FLG: variants seen among roughly 807,000 people sequenced by gnomAD.
FLG encodes filaggrin.
In FLG, 6 loss-of-function variants were observed where a neutral mutation model predicts 3.8. That is an observed-to-expected ratio of 1.60 (90% confidence interval 0.87 to 3.15). FLG has a LOEUF of 3.15. Ranked by LOEUF, FLG falls within the 30% of genes most tolerant of loss-of-function variation. The pLI, the probability that FLG is intolerant of heterozygous loss-of-function variation, is 0.00. For synonymous variants in FLG, 2,551 were observed against 1,931.6 expected (o/e 1.32, Z -8.41); for missense variants, 7,595 against 5,050.9 (o/e 1.50, Z -15.27).
chr1:152,314,952 G>T (rs1041445745), intron 2 of FLG: 40 of 586,636 alleles, frequency 6.8e-5, no homozygotes, highest in Middle Eastern at 4.5e-4. Flanking sequence ...ATCAAGATTT[G>T]ATGGGGTAAG....
In FLG at chr1:152,305,111, C is replaced by G; in HGVS notation, c.9775G>C (p.Glu3259Gln). 6.2e-7 allele frequency: 1 copy of G among 1,613,894 alleles called. No homozygotes were observed. Among genetic ancestry groups the G allele is most frequent in the Non-Finnish European group, 8.5e-7 (1 of 1,179,950 alleles). Reference sequence around the variant, plus strand: ...GAGTGCCCGTGACCGGCTCTGTCTTCGTGATGGGACCTGGGGTGTCTGGAG... The same window carrying G: ...GAGTGCCCGTGACCGGCTCTGTCTTGGTGATGGGACCTGGGGTGTCTGGAG... ...HGSRHPRSHH[E>Q]DRAGHGHSAD... Residue 3259 changes from glutamate (E) to glutamine (Q), a missense_variant, in exon 3 of 3, where the codon GAA becomes CAA. Glu to Gln is a conservative substitution (Grantham distance 29). Transcript: ENST00000368799.
In FLG at chr1:152,303,165, G is replaced by T. The variant is rs374091552; in HGVS notation, c.11721C>A (p.Arg3907=). The T allele has an allele frequency of 5.6e-6, 9 of 1,614,126 alleles. No individual in the cohort carries two copies. The South Asian group carries it at 8.8e-5, about 16-fold the overall frequency. Residue 3907 remains arginine (R), a synonymous_variant, in exon 3 of 3, where the codon CGC becomes CGA. Coordinates refer to ENST00000368799, the MANE Select transcript of FLG (RefSeq NM_002016.2). ...DGSRHPGSSH[R]DTASHVQSSP... ...AAGACTGTACATGACTGGCTGTATC[G>T]CGGTGAGAGGATCCGGGGTGTCTGG...
rs1354005115 is a variant in FLG, at chr1:152,313,932, G to A, written c.954C>T (p.Ser318=). 1.9e-6 allele frequency: 3 copies of A among 1,614,014 alleles called. No homozygotes were observed. Among genetic ancestry groups the A allele is most frequent in the South Asian group, 2.2e-5 (2 of 91,074 alleles). Reference sequence around the variant, plus strand: ...CCCACGCAGATCCATGATGGTTTCTGGAAGCCGACCCAGAGTGCCTCTCAG... The same window carrying A: ...CCCACGCAGATCCATGATGGTTTCTAGAAGCCGACCCAGAGTGCCTCTCAG... ...EDSERHSGSA[S]RNHHGSAWEQ... is the part of the protein sequence containing the mutation. The change falls in exon 3 of 3, where the codon TCC becomes TCT. Residue 318 remains serine, a synonymous_variant. Coordinates refer to ENST00000368799, the MANE Select transcript of FLG (RefSeq NM_002016.2).
chr1:152,308,229 G>C lies in FLG; in HGVS notation c.6657C>G (p.Ser2219Arg). ...CCTGGCCCACCAGTGAGTGTCTAGA[G>C]CTGTCGGCCCAAGAGGAAGCTTCAT... ...HHHEASSWAD[S>R]SRHSLVGQGQ... Residue 2219 changes from serine to arginine, a missense_variant, in exon 3 of 3, where the codon AGC becomes AGG. By Grantham distance (110) the Ser-to-Arg change is moderately radical. Coordinates refer to ENST00000368799, the MANE Select transcript of FLG (RefSeq NM_002016.2). 6.2e-7 allele frequency: 1 copy of C among 1,614,020 alleles called. No homozygotes were observed. Among genetic ancestry groups the C allele is most frequent in the Non-Finnish European group, 8.5e-7 (1 of 1,179,936 alleles).
chr1:152,307,463 C>T lies in FLG; in HGVS notation c.7423G>A (p.Gly2475Arg), dbSNP rs1183149624. 5 of 1,613,158 alleles carry T rather than the reference C, an allele frequency of 3.1e-6. No homozygotes were observed. Among genetic ancestry groups the T allele is most frequent in the East Asian group, 4.5e-5 (2 of 44,758 alleles). Reference sequence around the variant, plus strand: ...TCTACCAATTGCTCGTAGTGGGATCCCTGCCTTCCTCCACTGCTTGACCCC... The same window carrying T: ...TCTACCAATTGCTCGTAGTGGGATCTCTGCCTTCCTCCACTGCTTGACCCC... ...HPGSSSGGRQ[G>R]SHYEQLVDRS... Residue 2475 changes from glycine (G) to arginine (R), a missense_variant, in exon 3 of 3, where the codon GGA becomes AGA. Coordinates refer to ENST00000368799, the MANE Select transcript of FLG (RefSeq NM_002016.2).
rs766940306 is a variant in FLG, at chr1:152,311,320, C to A, written c.3566G>T (p.Gly1189Val). 24 of 1,613,834 alleles carry A rather than the reference C, an allele frequency of 1.5e-5. No individual in the cohort carries two copies. The highest frequency in any genetic ancestry group is 2.0e-5 in the Non-Finnish European group (24 of 1,179,968). The change falls in exon 3 of 3, where the codon GGA (glycine) becomes GTA (valine). Residue 1189 changes from glycine to valine, a missense_variant. Physicochemically the swap from Gly to Val is moderately radical, Grantham distance 109 (BLOSUM62 -3). Coordinates refer to ENST00000368799, the MANE Select transcript of FLG (RefSeq NM_002016.2). Reference sequence around the variant, plus strand: ...GTGGCTGTGATGGGACCCTGAGTGTCCAGATCTATCTACCGATTGCTCATG... The same window carrying A: ...GTGGCTGTGATGGGACCCTGAGTGTACAGATCTATCTACCGATTGCTCATG... ...SHHEQSVDRSGHSGSHHSHTT... is the reference protein window; with the variant it reads ...SHHEQSVDRSVHSGSHHSHTT...
chr1:152,310,176 G>T lies in FLG; in HGVS notation c.4710C>A (p.Ser1570Arg). 6.2e-7 allele frequency: 1 copy of T among 1,613,910 alleles called. No homozygotes were observed. The highest frequency in any genetic ancestry group is 8.5e-7 in the Non-Finnish European group (1 of 1,179,982). Residue 1570 changes from serine to arginine, a missense_variant, in exon 3 of 3, where the codon AGC becomes AGA. Coordinates refer to ENST00000368799, the MANE Select transcript of FLG (RefSeq NM_002016.2). ...RHHEPSTRAGSSRHSQVGQGE... is the reference protein window; with the variant it reads ...RHHEPSTRAGRSRHSQVGQGE... ...CCTGGCCCACCTGTGAGTGTCTAGA[G>T]CTGCCGGCCCGAGTGGAAGGTTCAT...
At position 152,309,140 on chromosome 1, in the gene FLG, A is replaced by G. The variant is rs546116540; in HGVS notation, c.5746T>C (p.Ser1916Pro). 117 of 1,613,452 alleles carry G rather than the reference A, an allele frequency of 7.3e-5. No homozygotes were observed. The South Asian group carries it at 1.1e-3, about 15-fold the overall frequency. Residue 1916 changes from serine to proline, a missense_variant, in exon 3 of 3, where the codon TCC (serine) becomes CCC (proline). Ser to Pro is a moderately conservative substitution (Grantham distance 74). Transcript: ENST00000368799. ...CTGTCACTGTCCTGGCTAACACTGG[A>G]TCCCTGGTTCCTGCTTGTCCTGGGC... ...SGPRTSRNQG[S>P]SVSQDSDSQG...
In FLG at chr1:152,307,671, T is replaced by C. The variant is rs550700081; in HGVS notation, c.7215A>G (p.Ala2405=). 48 of 1,612,592 alleles carry C rather than the reference T, an allele frequency of 3.0e-5. No homozygotes were observed. Among genetic ancestry groups the C allele is most frequent in the Non-Finnish European group, 3.4e-5 (40 of 1,179,830 alleles). Residue 2405 remains alanine (A), a synonymous_variant, in exon 3 of 3, where the codon GCA becomes GCG. Transcript: ENST00000368799. ...AAGACCCTGAACGTCCAGACCTTCC[T>C]GCTGACCGGCCACGTGTGGACTCTT... The part of the protein sequence containing the change: ...SHQESTRGRS[A]GRSGRSGSFL...
rs74129458 is a variant in FLG at position 152,309,400 on chromosome 1, T to C, written c.5486A>G (p.Tyr1829Cys). 2.4e-3 allele frequency: 3,807 copies of C among 1,613,584 alleles called. 57 individuals are homozygous for C. The African/African-American group carries it at 0.039, about 17-fold the overall frequency. The change falls in exon 3 of 3, where the codon TAT becomes TGT. Residue 1829 changes from tyrosine to cysteine, a missense_variant. Tyr to Cys is a radical substitution (Grantham distance 194, BLOSUM62 -2). Transcript: ENST00000368799. ...TCCAGAACTATCTACCGATTGCTCA[T>C]AGTGGGATCCCTGCCTTCCTCCTCT... ...SSRGGRQGSH[Y>C]EQSVDSSGHS... is the part of the protein sequence containing the mutation.
rs141784184 is a variant in FLG at position 152,309,169 on chromosome 1, G to T, written c.5717C>A (p.Ser1906Ter). The change falls in exon 3 of 3, where the codon TCA becomes TAA. Residue 1906 changes from serine (S) to a stop codon, truncating the protein, a stop_gained. Coordinates refer to ENST00000368799, the MANE Select transcript of FLG (RefSeq NM_002016.2). LOFTEE classifies it low-confidence loss of function (END_TRUNC). ...CTGGTTCCTGCTTGTCCTGGGCCCT[G>T]ATGATTGTCCCTGGCCCACCTGCGA... ...RHSQVGQGQS[S>*]GPRTSRNQGS... is the part of the protein sequence containing the mutation. The T allele has an allele frequency of 1.4e-3, 2,222 of 1,613,260 alleles. 21 individuals are homozygous for T. In the African/African-American group the frequency reaches 0.019, roughly 14 times the overall value.
rs1651702612 is a variant in FLG, at chr1:152,303,056, T to G, written c.11830A>C (p.Ile3944Leu). Residue 3944 changes from isoleucine (I) to leucine (L), a missense_variant, in exon 3 of 3, where the codon ATA (isoleucine) becomes CTA (leucine). Ile to Leu is a conservative substitution (Grantham distance 5). Transcript: ENST00000368799. ...CTGTGAGGACTGCCACGTGACTGTA[T>G]TCCTGAGTGATACGCAGAATCTTGT... is the stretch of plus-strand genomic sequence containing the variant. ...LSQDSAYHSGIQSRGSPHSSS... is the reference protein window; with the variant it reads ...LSQDSAYHSGLQSRGSPHSSS... 1 of 1,614,094 alleles carries G rather than the reference T, an allele frequency of 6.2e-7. No homozygotes were observed. Among genetic ancestry groups the G allele is most frequent in the Non-Finnish European group, 8.5e-7 (1 of 1,180,044 alleles).
chr1:152,307,911 A>C lies in FLG; in HGVS notation c.6975T>G (p.Ser2325Arg), dbSNP rs961452941. 3 of 1,613,178 alleles carry C rather than the reference A, an allele frequency of 1.9e-6. No homozygotes were observed. The highest frequency in any genetic ancestry group is 2.5e-6 in the Non-Finnish European group (3 of 1,179,780). Residue 2325 changes from serine to arginine, a missense_variant, in exon 3 of 3, where the codon AGT becomes AGG. Transcript: ENST00000368799. ...GGTGGGATCCGTGTCTCTCTCCTGCACTTGATCTTGCCTGTTCATGGGATG... is the reference window on the plus strand; with the variant it reads ...GGTGGGATCCGTGTCTCTCTCCTGCCCTTGATCTTGCCTGTTCATGGGATG... ...AASSHEQARS[S>R]AGERHGSHHQ...
Position 152,310,315 on chromosome 1 carries a change from G to A in FLG, c.4571C>T (p.Pro1524Leu). Reference sequence around the variant, plus strand: ...ATGGGAGGCATCAGACCTTCCCTGGGGTGTGGTGTGGCTGTGATGGTACCC... The same window carrying A: ...ATGGGAGGCATCAGACCTTCCCTGGAGTGTGGTGTGGCTGTGATGGTACCC... ...HSGYHHSHTTPQGRSDASHGQ... is the reference protein window; with the variant it reads ...HSGYHHSHTTLQGRSDASHGQ... Residue 1524 changes from proline (P) to leucine (L), a missense_variant, in exon 3 of 3, where the codon CCC becomes CTC. Pro to Leu is a moderately conservative substitution (Grantham distance 98). Coordinates refer to ENST00000368799, the MANE Select transcript of FLG (RefSeq NM_002016.2). 4 of 1,613,784 alleles carry A rather than the reference G, an allele frequency of 2.5e-6. No homozygotes were observed. The highest frequency in any genetic ancestry group is 1.1e-5 in the South Asian group (1 of 91,052).
chr1:152,319,223 G>C (rs1423039124), intron 1 of FLG, among the ~76,000 whole-genome samples: 1 of 150,960 alleles, frequency 6.6e-6, no homozygotes. Flanking sequence ...TTTGGTAAGA[G>C]AGTGATCTAA....
chr1:152,311,864 G>C lies in FLG; in HGVS notation c.3022C>G (p.Pro1008Ala). Residue 1008 changes from proline (P) to alanine (A), a missense_variant, in exon 3 of 3, where the codon CCT becomes GCT. Coordinates refer to ENST00000368799, the MANE Select transcript of FLG (RefSeq NM_002016.2). ...CCACCAGAGGAAGTCTCTGCGTGAG[G>C]AGTTCCTGATTGTCTGGAGCTGTCT... ...SADSSRQSGTPHAETSSGGQA... is the reference protein window; with the variant it reads ...SADSSRQSGTAHAETSSGGQA... 1 of 1,614,132 alleles carries C rather than the reference G, an allele frequency of 6.2e-7. No homozygotes were observed. Among genetic ancestry groups the C allele is most frequent in the Non-Finnish European group, 8.5e-7 (1 of 1,179,998 alleles).
chr1:152,322,754 CTTGT>C (rs1331257242), intron 1 of FLG, among the ~76,000 whole-genome samples: 1 of 151,192 alleles, frequency 6.6e-6, no homozygotes, highest in Non-Finnish European at 1.5e-5. Flanking sequence ...CAATATATAG[CTTGT>C]TTATGAACTG....
chr1:152,303,172 G>C lies in FLG; in HGVS notation c.11714C>G (p.Ser3905Cys). The change falls in exon 3 of 3, where the codon TCT (serine) becomes TGT (cysteine). Residue 3905 changes from serine to cysteine, a missense_variant. Transcript: ENST00000368799. ...TACATGACTGGCTGTATCGCGGTGA[G>C]AGGATCCGGGGTGTCTGGAGCCATC... ...SRDGSRHPGS[S>C]HRDTASHVQS... is the part of the protein sequence containing the mutation. 2 of 1,614,184 alleles carry C rather than the reference G, an allele frequency of 1.2e-6. No homozygotes were observed. Among genetic ancestry groups the C allele is most frequent in the Non-Finnish European group, 1.7e-6 (2 of 1,180,030 alleles).
At position 152,313,022 on chromosome 1, in the gene FLG, T is replaced by G; in HGVS notation, c.1864A>C (p.Ser622Arg). The change falls in exon 3 of 3, where the codon AGC (serine) becomes CGC (arginine). Residue 622 changes from serine (S) to arginine (R), a missense_variant. Coordinates refer to ENST00000368799, the MANE Select transcript of FLG (RefSeq NM_002016.2). ...TGTCCCTGACTGTCACTGTCCTGGC[T>G]AACACTGGATCCCTGGTTCCTACTT... ...RTSRNQGSSV[S>R]QDSDSQGHSE... 1 of 1,614,028 alleles carries G rather than the reference T, an allele frequency of 6.2e-7. No homozygotes were observed.
Sources: allele counts gnomAD v4.1 joint callset (sites outside exome capture counted in the v4.1 genomes callset), GRCh38; gene constraint gnomAD v4.1.1; transcripts MANE v1.5; gene names NCBI Gene and HGNC (gene_info 2026-07-23, HGNC 2026-07-21).